The following SMTNL1 variants were observed in gnomAD, a reference collection of about 807,000 sequenced individuals.
SMTNL1 encodes smoothelin-like protein 1.
Under a neutral mutation model 46.6 loss-of-function variants are expected in SMTNL1, and 41 were observed. The ratio of observed to expected loss-of-function variants is 0.88; its 90% CI spans 0.69 to 1.14. The LOEUF is 1.14. Among genes scored for constraint, SMTNL1 ranks in the 50% most tolerant of loss-of-function variants. The pLI, the probability that SMTNL1 is intolerant of heterozygous loss-of-function variation, is 0.00. For missense variants in SMTNL1, 591 were observed against 626.1 expected, an observed-to-expected ratio of 0.94 and a Z score of 0.60; for synonymous variants, 234 against 234.2, an observed-to-expected ratio of 1.00 and a Z score of 0.01.
rs17151962 is a variant in SMTNL1 at position 57,547,839 on chromosome 11, C to T, written c.1340+1187C>T. Among the ~76,000 whole-genome samples, 509 of 152,300 alleles carry T rather than the reference C, an allele frequency of 3.3e-3. 5 individuals carry two copies. The highest frequency in any genetic ancestry group is 0.012 in the African/African-American group (501 of 41,558). On this transcript the variant is annotated intron_variant, in intron 7 of 7. Transcript: ENST00000527972. ...GTCCTTCCCACAGCTCCCAGTCTGG[C>T]GTGGATTTTGGCCCTGCAGTCTCAG...
intron 7 of SMTNL1, among the ~76,000 whole-genome samples, chr11:57,547,276 T>C (rs1265731437): frequency 6.6e-6 from 1 of 152,226 alleles, no homozygotes; most frequent in Non-Finnish European, 1.5e-5. Flanking sequence ...GTCCTGCTCC[T>C]GCAGCTGCCT....
intron 7 of SMTNL1, among the ~76,000 whole-genome samples, chr11:57,546,893 G>A (rs921632427): frequency 5.3e-5 from 8 of 152,220 alleles, no homozygotes; most frequent in Admixed American, 5.2e-4. Context: ...AGCACTCTGG[G>A]AGGCCGAGGC....
At chr11:57,539,901 TA>T (rs2135260196) in intron 1 of SMTNL1, among the ~76,000 whole-genome samples, 1 of 152,286 alleles carries the variant, frequency 6.6e-6, no homozygotes, top group Non-Finnish European at 1.5e-5. Context: ...ACACAATTAG[TA>T]ACCCATGGGA....
In SMTNL1 at chr11:57,550,098, A is replaced by G; in HGVS notation, c.1471A>G (p.Thr491Ala). 6.2e-7 allele frequency: 1 copy of G among 1,613,226 alleles called. No homozygotes were observed. Among genetic ancestry groups the G allele is most frequent in the South Asian group, 1.1e-5 (1 of 90,928 alleles). The change falls in exon 8 of 8, where the codon ACC (threonine) becomes GCC (alanine). Residue 491 changes from threonine to alanine, a missense_variant. By Grantham distance (58) the Thr-to-Ala change is moderately conservative. Coordinates refer to ENST00000527972, the MANE Select transcript of SMTNL1 (RefSeq NM_001105565.3). ...RSLVQKGLVKTKKK is the reference protein window; with the variant it reads ...RSLVQKGLVKAKKK The stretch of plus-strand genomic sequence containing the variant: ...CCTTGTGCAGAAAGGACTGGTGAAG[A>G]CCAAGAAGAAGTGAGGAGGTGACTG...
Position 57,543,223 on chromosome 11 carries a change from C to T in SMTNL1, c.581C>T (p.Thr194Ile), listed in dbSNP as rs770631251. ...ECSTEPKEKA[T>I]DEEAKAESQK... is the part of the protein sequence containing the mutation. Reference sequence around the variant, plus strand: ...AGCACTGAACCCAAGGAGAAGGCTACTGATGAAGAGGCCAAGGCTGAATCG... The same window carrying T: ...AGCACTGAACCCAAGGAGAAGGCTATTGATGAAGAGGCCAAGGCTGAATCG... Residue 194 changes from threonine to isoleucine, a missense_variant, in exon 2 of 8, where the codon ACT (threonine) becomes ATT (isoleucine). Physicochemically the swap from Thr to Ile is moderately conservative, Grantham distance 89. Coordinates refer to ENST00000527972, the MANE Select transcript of SMTNL1 (RefSeq NM_001105565.3). 6.8e-6 allele frequency: 11 copies of T among 1,613,752 alleles called. No individual in the cohort carries two copies. The South Asian group carries it at 1.1e-4, about 16-fold the overall frequency.
At chr11:57,541,498 C>A in intron 1 of SMTNL1, 1 of 1,367,294 alleles carries the variant, frequency 7.3e-7, no homozygotes, top group Non-Finnish European at 9.8e-7. Flanking sequence ...ATGTCATAAT[C>A]TACCCCCATG....
At chr11:57,542,304 T>C (rs1387575025) in intron 1 of SMTNL1, among the ~76,000 whole-genome samples, 1 of 152,022 alleles carries the variant, frequency 6.6e-6, no homozygotes, top group Non-Finnish European at 1.5e-5. Context: ...TCTCAAAAAA[T>C]AAATAATACA....
chr11:57,543,279 G>C lies in SMTNL1; in HGVS notation c.637G>C (p.Ala213Pro). The change falls in exon 2 of 8, where the codon GCT becomes CCT. Residue 213 changes from alanine (A) to proline (P), a missense_variant. Physicochemically the swap from Ala to Pro is conservative, Grantham distance 27. Coordinates refer to ENST00000527972, the MANE Select transcript of SMTNL1 (RefSeq NM_001105565.3). ...QKAVVEDEAK[A>P]EPKEPDGKEE... ...GGCTGTTGTGGAGGATGAGGCTAAG[G>C]CTGAACCCAAGGAGCCCGATGGGAA... 1 of 1,613,956 alleles carries C rather than the reference G, an allele frequency of 6.2e-7. No individual in the cohort carries two copies. The highest frequency in any genetic ancestry group is 1.6e-4 in the Middle Eastern group (1 of 6,062).
chr11:57,548,596 G>C (rs949916837), intron 7 of SMTNL1, among the ~76,000 whole-genome samples: 1 of 152,120 alleles, frequency 6.6e-6, no homozygotes, highest in African/African-American at 2.4e-5. Flanking sequence ...CTTGAATCCG[G>C]GAAGCAGAGG....
In SMTNL1 at chr11:57,542,681, C is replaced by T. The variant is rs1944888608; in HGVS notation, c.39C>T (p.Thr13=). The T allele has an allele frequency of 6.2e-7, 1 of 1,613,108 alleles. No homozygotes were observed. Among genetic ancestry groups the T allele is most frequent in the Non-Finnish European group, 8.5e-7 (1 of 1,179,466 alleles). ...AAGGGAAGCTCTCTGAGGATGGGACCACCGTCTCCCCAGCTGCGGACAACC... is the reference window on the plus strand; with the variant it reads ...AAGGGAAGCTCTCTGAGGATGGGACTACCGTCTCCCCAGCTGCGGACAACC... ...QKEGKLSEDG[T]TVSPAADNPE... is the part of the protein sequence containing the mutation. The change falls in exon 2 of 8, where the codon ACC becomes ACT. Residue 13 remains threonine (T), a synonymous_variant. Transcript: ENST00000527972.
chr11:57,550,080 C>G lies in SMTNL1; in HGVS notation c.1453C>G (p.Gln485Glu). ...CCAGGAACTGTACCGCAGCCTTGTG[C>G]AGAAAGGACTGGTGAAGACCAAGAA... ...YIQELYRSLV[Q>E]KGLVKTKKK is the part of the protein sequence containing the mutation. Residue 485 changes from glutamine to glutamate, a missense_variant, in exon 8 of 8, where the codon CAG becomes GAG. Coordinates refer to ENST00000527972, the MANE Select transcript of SMTNL1 (RefSeq NM_001105565.3). 1 of 1,613,572 alleles carries G rather than the reference C, an allele frequency of 6.2e-7. No homozygotes were observed. Among genetic ancestry groups the G allele is most frequent in the Non-Finnish European group, 8.5e-7 (1 of 1,179,728 alleles).
In SMTNL1 at chr11:57,550,175, G is replaced by A; in HGVS notation, c.*63G>A. On this transcript the variant is annotated 3_prime_UTR_variant, in exon 8 of 8. Coordinates refer to ENST00000527972, the MANE Select transcript of SMTNL1 (RefSeq NM_001105565.3). ...GCCCAGCTCAGCAGCCACGGCCCGG[G>A]GGTTCCCTTCTGCTCCATGGAGGCA... 6.5e-7 allele frequency: 1 copy of A among 1,534,670 alleles called. No homozygotes were observed. The highest frequency in any genetic ancestry group is 8.8e-7 in the Non-Finnish European group (1 of 1,137,184).
In SMTNL1 at chr11:57,544,057, T is replaced by C. The variant is rs924788407; in HGVS notation, c.917+137T>C. 3 of 957,736 alleles carry C rather than the reference T, an allele frequency of 3.1e-6. No individual in the cohort carries two copies. In the African/African-American group the frequency reaches 4.9e-5, roughly 16 times the overall value. 59.3% of individuals were successfully genotyped at this position (957,736 alleles called of 1,614,324 possible). ...AGGATTCCTGGCATTCAGCTTCCTA[T>C]CCCAGGGCAGAGCCCAGGAAACAAA... On this transcript the variant is annotated intron_variant, in intron 4 of 7. Transcript: ENST00000527972.
intron 7 of SMTNL1, 60 bp from the exon 8 acceptor site, chr11:57,549,908 C>T: frequency 6.3e-7 from 1 of 1,591,966 alleles, no homozygotes; most frequent in Non-Finnish European, 8.6e-7. Flanking sequence ...GCACCCATCC[C>T]CTTGGCTCCC....
At chr11:57,549,501 G>T (rs907248204) in intron 7 of SMTNL1, among the ~76,000 whole-genome samples, 2 of 152,116 alleles carry the variant, frequency 1.3e-5, no homozygotes, top group African/African-American at 4.8e-5. Flanking sequence ...ACCCAGCTGG[G>T]TTTGAGTCTT....
intron 1 of SMTNL1, among the ~76,000 whole-genome samples, chr11:57,538,580 A>C (rs1944848579): frequency 6.6e-6 from 1 of 152,046 alleles, no homozygotes; most frequent in Admixed American, 6.5e-5. Flanking sequence ...GGGTGCCCCC[A>C]CTCTGGGCCA....
At chr11:57,546,843 T>G (rs968702749) in intron 7 of SMTNL1, among the ~76,000 whole-genome samples, 191 bp downstream of exon 7, 2 of 152,114 alleles carry the variant, frequency 1.3e-5, no homozygotes, top group Non-Finnish European at 2.9e-5. Flanking sequence ...GACAAAAATC[T>G]CTGCTTGAGT....
Position 57,550,033 on chromosome 11 carries a change from C to A in SMTNL1, c.1406C>A (p.Ser469Tyr). 1 of 1,613,986 alleles carries A rather than the reference C, an allele frequency of 6.2e-7. No homozygotes were observed. Among genetic ancestry groups the A allele is most frequent in the South Asian group, 1.1e-5 (1 of 91,080 alleles). Reference protein sequence around the residue: ...DDMVRLAVPDSKCVYTYIQEL... With the variant: ...DDMVRLAVPDYKCVYTYIQEL... ...ATGGTGCGGTTGGCTGTGCCCGACT[C>A]CAAGTGCGTCTACACATACATCCAG... The change falls in exon 8 of 8, where the codon TCC becomes TAC. Residue 469 changes from serine to tyrosine, a missense_variant. Physicochemically the swap from Ser to Tyr is moderately radical, Grantham distance 144 (BLOSUM62 -2). Transcript: ENST00000527972.
At position 57,538,617 on chromosome 11, in the gene SMTNL1, G is replaced by A. The variant is rs75530502; in HGVS notation, c.-3+975G>A. Among the ~76,000 whole-genome samples, 276 of 152,310 alleles carry A rather than the reference G, an allele frequency of 1.8e-3. 4 individuals are homozygous for A. The highest frequency in any genetic ancestry group is 0.015 in the Admixed American group (227 of 15,302). On this transcript the variant is annotated intron_variant, in intron 1 of 7. Transcript: ENST00000527972. Reference sequence around the variant, plus strand: ...GGCCTTTGTAGGGACACTGGGCTGCGGAGCTAGTGGGAGCATATATTTGAT... The same window carrying A: ...GGCCTTTGTAGGGACACTGGGCTGCAGAGCTAGTGGGAGCATATATTTGAT...
Sources: gnomAD v4.1 joint callset for allele counts (sites outside exome capture counted in the v4.1 genomes callset) on GRCh38, gnomAD v4.1.1 for gene constraint, MANE v1.5 for transcripts, NCBI Gene and HGNC (gene_info 2026-07-23, HGNC 2026-07-21) for gene names.